DAB2: variants seen among roughly 807,000 people sequenced by gnomAD.
DAB2 encodes the protein DAB adaptor protein 2.
DAB2 carries 28 observed loss-of-function variants against 71.6 expected under a neutral mutation model. The observed-to-expected ratio is 0.39, with a 90% CI of 0.29 to 0.54. DAB2 has a LOEUF of 0.54. Ranked by LOEUF, DAB2 falls within the 20% of genes least tolerant of loss-of-function variation. DAB2 has a pLI of 0.68. For synonymous variants in DAB2, 345 were observed against 339.7 expected (o/e 1.02, Z -0.17); for missense variants, 867 against 928.8 (o/e 0.93, Z 0.86).
intron 1 of DAB2, among the ~76,000 whole-genome samples, chr5:39,420,415 A>C (rs2112116272): frequency 1.3e-5 from 2 of 152,250 alleles, no homozygotes; most frequent in Admixed American, 1.3e-4. Context: ...TAGGATTGTT[A>C]CTTCCTATTT....
In DAB2 at chr5:39,377,233, A is replaced by G. The variant is rs370550008; in HGVS notation, c.1554T>C (p.Ser518=). Reference sequence around the variant, plus strand: ...TTGAAGGGGACTGATTGAAGACCAAAGATGCTGTGTTCCATGGTCCTGCCT... The same window carrying G: ...TTGAAGGGGACTGATTGAAGACCAAGGATGCTGTGTTCCATGGTCCTGCCT... ...LPQAGPWNTA[S]LVFNQSPSMA... The change falls in exon 12 of 15, where the codon TCT becomes TCC. Residue 518 remains serine, a synonymous_variant. Coordinates refer to ENST00000320816, the MANE Select transcript of DAB2 (RefSeq NM_001343.4). 6.2e-7 allele frequency: 1 copy of G among 1,613,992 alleles called. No homozygotes were observed. The highest frequency in any genetic ancestry group is 8.5e-7 in the Non-Finnish European group (1 of 1,180,004).
At chr5:39,391,608 T>C (rs1755228967) in intron 4 of DAB2, among the ~76,000 whole-genome samples, 1 of 152,054 alleles carries the variant, frequency 6.6e-6, no homozygotes. Flanking sequence ...GAGAGTATTT[T>C]ATAGCAATGA....
chr5:39,394,182 T>A, intron 2 of DAB2, 48 bp downstream of exon 2: 1 of 1,442,426 alleles, frequency 6.9e-7, no homozygotes, highest in Non-Finnish European at 9.8e-7. Context: ...TCTCCAGGGG[T>A]AACCATCTCT....
At chr5:39,377,328 G>A (rs781595780) in intron 11 of DAB2, 46 bp from the exon 12 acceptor site, 47 of 1,557,652 alleles carry the variant, frequency 3.0e-5, no homozygotes, top group African/African-American at 4.1e-5. Flanking sequence ...CAAGCTTGAA[G>A]AAGATTCTTG....
chr5:39,416,771 T>C (rs1755855124), intron 1 of DAB2, among the ~76,000 whole-genome samples: 1 of 152,138 alleles, frequency 6.6e-6, no homozygotes, highest in Non-Finnish European at 1.5e-5. Flanking sequence ...AGCTCTTCTC[T>C]CAATTCAATA....
At chr5:39,396,189 C>T (rs959612106) in intron 1 of DAB2, among the ~76,000 whole-genome samples, 9 of 151,932 alleles carry the variant, frequency 5.9e-5, no homozygotes, top group East Asian at 1.9e-4. Context: ...CCTTGTGATC[C>T]GCCTGACTCA....
chr5:39,407,027 G>T (rs573258038), intron 1 of DAB2, among the ~76,000 whole-genome samples: 2 of 152,074 alleles, frequency 1.3e-5, no homozygotes, highest in African/African-American at 4.8e-5. Flanking sequence ...GGCAGGAAAA[G>T]GTAGTCAAAA....
At chr5:39,393,428 T>C (rs775836143) in intron 2 of DAB2, 35 bp from the exon 3 acceptor site, 1 of 1,609,858 alleles carries the variant, frequency 6.2e-7, no homozygotes, top group African/African-American at 1.3e-5. Context: ...TGAAGAATGC[T>C]AGTTCTAATT....
intron 1 of DAB2, among the ~76,000 whole-genome samples, chr5:39,406,214 C>G (rs1488944354): frequency 6.6e-6 from 1 of 152,076 alleles, no homozygotes. Flanking sequence ...CTGGCACAAG[C>G]ATTAGGTGTC....
At chr5:39,390,711 T>C in intron 4 of DAB2, 136 bp from the exon 5 acceptor site, 4 of 594,294 alleles carry the variant, frequency 6.7e-6, no homozygotes, top group Non-Finnish European at 1.1e-5. Context: ...TTTTCATTTC[T>C]GGTTGAAGGC....
chr5:39,416,317 G>A (rs114597868), intron 1 of DAB2, among the ~76,000 whole-genome samples: 3,112 of 152,042 alleles, frequency 0.02, 115 homozygotes, highest in African/African-American at 0.071. Flanking sequence ...TTCTCCAAAG[G>A]GCTTCAGTGA....
At chr5:39,418,667 CCTT>C (rs772810170) in intron 1 of DAB2, among the ~76,000 whole-genome samples, 6 of 152,186 alleles carry the variant, frequency 3.9e-5, no homozygotes, top group East Asian at 3.9e-4. Context: ...ACATTCTCCT[CCTT>C]GATTATTCAC....
intron 10 of DAB2, 29 bp from the exon 11 acceptor site, chr5:39,381,645 CTTAG>C: frequency 1.2e-6 from 2 of 1,612,174 alleles, no homozygotes; most frequent in Non-Finnish European, 1.7e-6. Flanking sequence ...AGGGAGAAGC[CTTAG>C]TTACTCACTA....
rs148733657 is a variant in DAB2, at chr5:39,376,896, C to T, written c.1891G>A (p.Asp631Asn). 6.2e-6 allele frequency: 10 copies of T among 1,613,930 alleles called. No homozygotes were observed. The African/African-American group carries it at 1.3e-4, about 22-fold the overall frequency. ...QPPPRAGPPK[D>N]ISSDAFTALD... Reference sequence around the variant, plus strand: ...GCAGTGAAGGCATCACTGGAGATGTCCTTGGGAGGGCCAGCTCTGGGAGGT... The same window carrying T: ...GCAGTGAAGGCATCACTGGAGATGTTCTTGGGAGGGCCAGCTCTGGGAGGT... Residue 631 changes from aspartate (D) to asparagine (N), a missense_variant, in exon 12 of 15, where the codon GAC becomes AAC. By Grantham distance (23) the Asp-to-Asn change is conservative. This residue lies in a region of DAB2 where 740 missense variants were observed against 734.3 expected (regional missense o/e 1.01). Coordinates refer to ENST00000320816, the MANE Select transcript of DAB2 (RefSeq NM_001343.4).
At chr5:39,390,316 C>A (rs1755197872) in intron 5 of DAB2, 128 bp downstream of exon 5, 4 of 1,189,016 alleles carry the variant, frequency 3.4e-6, no homozygotes, top group East Asian at 2.4e-5. Context: ...TAAAAATAGT[C>A]ATTCTCGGAA....
At chr5:39,388,229 T>A in intron 9 of DAB2, 76 bp downstream of exon 9, 1 of 1,078,474 alleles carries the variant, frequency 9.3e-7, no homozygotes, top group Non-Finnish European at 1.4e-6. Context: ...ATGAGATGCT[T>A]AAGATTTCTG....
At chr5:39,377,846 C>T (rs1198457462) in intron 11 of DAB2, among the ~76,000 whole-genome samples, 19 of 152,150 alleles carry the variant, frequency 1.2e-4, no homozygotes, top group Admixed American at 1.2e-3. Flanking sequence ...CTGAAGAAAC[C>T]ATTTCAAAGT....
rs1409505226 is a variant in DAB2 at position 39,409,595 on chromosome 5, A to G, written c.-101-15174T>C. Among the ~76,000 whole-genome samples, 8 of 152,156 alleles carry G rather than the reference A, an allele frequency of 5.3e-5. No individual in the cohort carries two copies. In the East Asian group the frequency reaches 1.3e-3, roughly 26 times the overall value. ...TCCAAGTTTACATACCTAAAATCAC[A>G]CCTGTTAGTATCATGTAAGTAATCA... On this transcript the variant is annotated intron_variant, in intron 1 of 14. Coordinates refer to ENST00000320816, the MANE Select transcript of DAB2 (RefSeq NM_001343.4).
Position 39,414,722 on chromosome 5 carries a change from G to T in DAB2, c.-102+10082C>A, listed in dbSNP as rs557865846. ...ACCTTAAAGTTAAAAAAAGGGGGGG[G>T]GGTGGTCAGAATTGTTTTACTTATA... On this transcript the variant is annotated intron_variant, in intron 1 of 14. Transcript: ENST00000320816. Among the ~76,000 whole-genome samples the T allele has an allele frequency of 5.9e-4, 90 of 151,544 alleles. No homozygotes were observed. The East Asian group carries it at 0.012, about 21-fold the overall frequency.
Sources: gnomAD v4.1 joint callset for allele counts (sites outside exome capture counted in the v4.1 genomes callset) on GRCh38, gnomAD v4.1.1 for gene constraint, gnomAD v4.1.1 regional missense constraint, MANE v1.5 for transcripts, NCBI Gene and HGNC (gene_info 2026-07-23, HGNC 2026-07-21) for gene names.